HDAC4: variants seen among roughly 807,000 people sequenced by gnomAD.
HDAC4 encodes histone deacetylase A.
A neutral mutation model predicts 135.1 loss-of-function variants in HDAC4; 16 were observed. The observed-to-expected ratio is 0.12, with a 90% CI of 0.08 to 0.18. The LOEUF (loss-of-function observed/expected upper bound fraction) is 0.18, where lower values mean the gene tolerates loss of function less well. HDAC4 is among the 10% of genes least tolerant of loss of function. The pLI is 1.00. For synonymous variants in HDAC4, 685 were observed against 653.4 expected (o/e 1.05, Z -0.74); for missense variants, 1,143 against 1,511.8 (o/e 0.76, Z 4.05).
chr2:239,320,166 T>C (rs185412577), intron 2 of HDAC4, among the ~76,000 whole-genome samples: 1,539 of 152,182 alleles, frequency 0.01, 24 homozygotes, highest in African/African-American at 0.035. Flanking sequence ...GCGGATCACC[T>C]GAGGTCAGAA....
chr2:239,095,449 C>CA (rs1167690983), intron 16 of HDAC4, among the ~76,000 whole-genome samples: 1 of 152,198 alleles, frequency 6.6e-6, no homozygotes, highest in Non-Finnish European at 1.5e-5. Flanking sequence ...CCTGGCTCCT[C>CA]AGTGAGCTCC....
intron 3 of HDAC4, among the ~76,000 whole-genome samples, chr2:239,230,368 C>CAAAAAAAAAAAAAAAAAAAAAACAAAAA (rs56105562): frequency 1.3e-5 from 1 of 79,394 alleles, no homozygotes; most frequent in Non-Finnish European, 2.3e-5. Context: ...AGCAAGCAAG[C>CAAAAAAAAAAAAAAAAAAAAAACAAAAA]AAAAAAAAAA....
rs137864417 is a variant in HDAC4 at position 239,150,250 on chromosome 2, G to C, written c.734-5536C>G. 2.4e-3 allele frequency among the ~76,000 whole-genome samples: 360 copies of C among 151,212 alleles called. 3 individuals are homozygous for C. Among genetic ancestry groups the C allele is most frequent in the African/African-American group, 8.3e-3 (343 of 41,162 alleles). On this transcript the variant is annotated intron_variant, in intron 7 of 26. Transcript: ENST00000543185. The stretch of plus-strand genomic sequence containing the variant: ...ACACACACAGAAACACAGATACACA[G>C]ACATACAGATACACACACAGAAACA...
intron 12 of HDAC4, among the ~76,000 whole-genome samples, chr2:239,118,613 A>C (rs889142556): frequency 1.3e-5 from 2 of 152,142 alleles, no homozygotes; most frequent in Admixed American, 1.3e-4. Context: ...CCACAGACAC[A>C]ATGAGAGCCC....
At chr2:239,320,430 T>G (rs1394517201) in intron 2 of HDAC4, among the ~76,000 whole-genome samples, 1 of 114,702 alleles carries the variant, frequency 8.7e-6, no homozygotes, top group Non-Finnish European at 1.9e-5. Flanking sequence ...ACAAAAAAAT[T>G]TAGAAGGAAT....
chr2:239,145,162 ACAGGGATGTGAGGCTGGGCC>A (rs1395176142), intron 7 of HDAC4, among the ~76,000 whole-genome samples: 1 of 152,214 alleles, frequency 6.6e-6, no homozygotes, highest in Non-Finnish European at 1.5e-5. Flanking sequence ...AGAAAGACTG[ACAGGGATGTGAGGCTGGGCC>A]CAGGGATGTG....
rs1048940136 is a variant in HDAC4 at position 239,223,308 on chromosome 2, T to C, written c.94+13285A>G. Among the ~76,000 whole-genome samples, 13 of 152,084 alleles carry C rather than the reference T, an allele frequency of 8.5e-5. No homozygotes were observed. In the East Asian group the frequency reaches 2.3e-3, roughly 27 times the overall value. On this transcript the variant is annotated intron_variant, in intron 3 of 26. Transcript: ENST00000543185. The stretch of plus-strand genomic sequence containing the variant: ...CACCAAGGACGAGGCCTGAAGGAGG[T>C]AGCCCCTCTCTCTGGGGCGAGCCGG...
At chr2:239,133,929 C>T (rs75292939) in intron 11 of HDAC4, among the ~76,000 whole-genome samples, 1,652 of 152,320 alleles carry the variant, frequency 0.011, 30 homozygotes, top group African/African-American at 0.037. Flanking sequence ...CCACAAGAGT[C>T]GGTTCTGGGC....
At position 239,299,478 on chromosome 2, in the gene HDAC4, C is replaced by T. The variant is rs2052120032; in HGVS notation, c.22+53200G>A. Among the ~76,000 whole-genome samples, 1 of 152,208 alleles carries T rather than the reference C, an allele frequency of 6.6e-6. No homozygotes were observed. Among genetic ancestry groups the T allele is most frequent in the African/African-American group, 2.4e-5 (1 of 41,446 alleles). On this transcript the variant is annotated intron_variant, in intron 2 of 26. Coordinates refer to ENST00000543185, the MANE Select transcript of HDAC4 (RefSeq NM_001378414.1). This position sits in a 1 kb window ranked among gnomAD's most constrained non-coding sequence, Gnocchi z 4.0. ...AACCACGGCACTGGGGTGCCGAAAC[C>T]AGAAGAGACATGCACACGAGGCAGG... is the stretch of plus-strand genomic sequence containing the variant.
intron 2 of HDAC4, among the ~76,000 whole-genome samples, chr2:239,297,027 T>TAAAAAA (rs71043186): frequency 1.7e-5 from 2 of 118,230 alleles, no homozygotes; most frequent in African/African-American, 6.3e-5. Context: ...TGTTTTCATG[T>TAAAAAA]AAAAAAAAAA....
intron 6 of HDAC4, among the ~76,000 whole-genome samples, chr2:239,158,517 C>T (rs1244613019): frequency 6.6e-6 from 1 of 152,128 alleles, no homozygotes; most frequent in Non-Finnish European, 1.5e-5. Context: ...TCTTGAGGTG[C>T]TTTCAGTGTT....
At chr2:239,204,776 C>G (rs1424613063) in intron 3 of HDAC4, among the ~76,000 whole-genome samples, 2 of 152,188 alleles carry the variant, frequency 1.3e-5, no homozygotes, top group African/African-American at 2.4e-5. Flanking sequence ...CAGAGGGCAC[C>G]CCAAGTCTAT....
intron 2 of HDAC4, among the ~76,000 whole-genome samples, chr2:239,343,632 G>A (rs921302135): frequency 6.6e-6 from 1 of 152,240 alleles, no homozygotes; most frequent in Admixed American, 6.5e-5. Context: ...TCCATGCCCA[G>A]CCCATCCCTC....
At chr2:239,074,081 C>T (rs1023252520) in intron 22 of HDAC4, among the ~76,000 whole-genome samples, 6 of 150,140 alleles carry the variant, frequency 4.0e-5, no homozygotes, top group African/African-American at 7.4e-5. Context: ...GAGGGGGCCA[C>T]AGGACTGAGG....
intron 17 of HDAC4, among the ~76,000 whole-genome samples, chr2:239,092,171 C>T (rs1043054101): frequency 4.7e-5 from 7 of 150,122 alleles, no homozygotes; most frequent in Non-Finnish European, 1.0e-4. Context: ...CCCAGGAGGT[C>T]GAGGCTGCAG....
intron 5 of HDAC4, among the ~76,000 whole-genome samples, chr2:239,168,493 TAAAATTA>T (rs2043247055): frequency 6.6e-6 from 1 of 152,196 alleles, no homozygotes; most frequent in East Asian, 1.9e-4. Flanking sequence ...CAGAATTATT[TAAAATTA>T]AAAGTAATGT....
At chr2:239,335,844 T>C (rs982124058) in intron 2 of HDAC4, among the ~76,000 whole-genome samples, 11 of 152,212 alleles carry the variant, frequency 7.2e-5, no homozygotes, top group African/African-American at 2.2e-4. Flanking sequence ...AGAGTGTAAA[T>C]TGGTACAATC....
chr2:239,066,665 C>T lies in HDAC4; in HGVS notation c.3003+57G>A, dbSNP rs548653048. 4.1e-4 allele frequency: 658 copies of T among 1,611,656 alleles called. 9 individuals are homozygous for T. The highest frequency in any genetic ancestry group is 5.6e-5 in the Non-Finnish European group (66 of 1,179,548). On this transcript the variant is annotated intron_variant, in intron 24 of 26. Coordinates refer to ENST00000543185, the MANE Select transcript of HDAC4 (RefSeq NM_001378414.1). ...CTCTGGGGCTCTCGGGCAGCCAGGC[C>T]ACAACCCCGAGCCTGTCAGTGTGGA... is the stretch of plus-strand genomic sequence containing the variant.
At chr2:239,096,489 C>A (rs1449740142) in intron 16 of HDAC4, among the ~76,000 whole-genome samples, 1 of 122,698 alleles carries the variant, frequency 8.2e-6, no homozygotes, top group Non-Finnish European at 1.7e-5. Context: ...GCCCGCCCCC[C>A]GCCCCGCCCC....
Sources: gnomAD v4.1 joint callset for allele counts (sites outside exome capture counted in the v4.1 genomes callset) on GRCh38, gnomAD v4.1.1 for gene constraint, Gnocchi (gnomAD v3.1) non-coding constraint, MANE v1.5 for transcripts, NCBI Gene and HGNC (gene_info 2026-07-23, HGNC 2026-07-21) for gene names.